Variants in PTPRZ1 observed in about 807,000 individuals in gnomAD.
PTPRZ1 encodes protein tyrosine phosphatase receptor type Z1.
Under a neutral mutation model 214.1 loss-of-function variants are expected in PTPRZ1, and 82 were observed. The observed-to-expected ratio is 0.38, with a 90% confidence interval of 0.32 to 0.46. PTPRZ1 has a LOEUF of 0.46. PTPRZ1 is among the 20% of genes least tolerant of loss of function. The pLI is 1.00. For missense variants in PTPRZ1, 2,603 were observed against 2,748.7 expected, an observed-to-expected ratio of 0.95 and a Z score of 1.19; for synonymous variants, 945 against 987.9, an observed-to-expected ratio of 0.96 and a Z score of 0.81.
chr7:121,914,395 G>A (rs1401366755), intron 1 of PTPRZ1, among the ~76,000 whole-genome samples: 2 of 152,098 alleles, frequency 1.3e-5, no homozygotes, highest in Non-Finnish European at 2.9e-5. Context: ...AAGGTCCCAA[G>A]TAAGCTTTAT....
At chr7:121,940,220 G>T (rs1475239712) in intron 2 of PTPRZ1, among the ~76,000 whole-genome samples, 1 of 152,136 alleles carries the variant, frequency 6.6e-6, no homozygotes, top group Non-Finnish European at 1.5e-5. Context: ...GCATTTAAGA[G>T]ATGTTAGGCA....
At position 121,873,406 on chromosome 7, in the gene PTPRZ1, A is replaced by G. The variant is rs1027966824; in HGVS notation, c.-94A>G. ...GATCTATACACTGGAGGATTAAAAC[A>G]AACAAACAAAAAAAACATTTCCTTC... On this transcript the variant is annotated 5_prime_UTR_variant, in exon 1 of 30. Transcript: ENST00000393386. The G allele has an allele frequency of 3.0e-5, 39 of 1,318,730 alleles. No homozygotes were observed. The highest frequency in any genetic ancestry group is 3.8e-5 in the Non-Finnish European group (36 of 951,802). The allele number at this position is 1,318,730 out of a possible 1,614,324, so 81.7% of individuals were successfully genotyped here.
Position 122,052,366 on chromosome 7 carries a change from AC to A in PTPRZ1, c.6252+429del, listed in dbSNP as rs1175435490. ...GCCTGCAAACTGGGCTCATTTTAGGACCTGGATTTCTAAAGATACAATGCTT... is the reference window on the plus strand; with the variant it reads ...GCCTGCAAACTGGGCTCATTTTAGGACTGGATTTCTAAAGATACAATGCTT... On this transcript the variant is annotated intron_variant, in intron 25 of 29. Transcript: ENST00000393386. 2.0e-5 allele frequency among the ~76,000 whole-genome samples: 3 copies of A among 152,146 alleles called. No individual in the cohort carries two copies. In the East Asian group the frequency reaches 5.8e-4, roughly 29 times the overall value.
intron 8 of PTPRZ1, among the ~76,000 whole-genome samples, chr7:121,991,762 T>C (rs998974070): frequency 6.6e-6 from 1 of 152,248 alleles, no homozygotes; most frequent in Non-Finnish European, 1.5e-5. Flanking sequence ...AGACTTCTTT[T>C]GGCTATTAAT....
intron 2 of PTPRZ1, among the ~76,000 whole-genome samples, chr7:121,962,308 C>T (rs1006783898): frequency 2.0e-5 from 3 of 151,716 alleles, no homozygotes; most frequent in South Asian, 2.1e-4. Context: ...GTTAGCTGGG[C>T]GTGGTGGCAC....
In PTPRZ1 at chr7:121,998,024, C is replaced by T. The variant is rs1798199105; in HGVS notation, c.1240+18C>T. On this transcript the variant is annotated intron_variant, in intron 10 of 29. Coordinates refer to ENST00000393386, the MANE Select transcript of PTPRZ1 (RefSeq NM_002851.3). ...TAATCCTGGTAAGTGCCACCAGATA[C>T]ATCTATATATTAACTCAATAAATGA... The T allele has an allele frequency of 7.5e-6, 12 of 1,606,878 alleles. No individual in the cohort carries two copies. The highest frequency in any genetic ancestry group is 9.4e-6 in the Non-Finnish European group (11 of 1,176,200).
At chr7:122,002,640 T>C (rs1221900804) in intron 10 of PTPRZ1, among the ~76,000 whole-genome samples, 1 of 152,214 alleles carries the variant, frequency 6.6e-6, no homozygotes, top group African/African-American at 2.4e-5. Context: ...TAGTTATACA[T>C]ACCCTTCCCC....
At chr7:121,907,280 A>G (rs1795144550) in intron 1 of PTPRZ1, among the ~76,000 whole-genome samples, 1 of 152,086 alleles carries the variant, frequency 6.6e-6, no homozygotes, top group South Asian at 2.1e-4. Context: ...AATCCATGTT[A>G]GTTTTCCTGA....
intron 2 of PTPRZ1, among the ~76,000 whole-genome samples, chr7:121,928,615 TAG>T (rs1166649701): frequency 6.6e-6 from 1 of 152,218 alleles, no homozygotes; most frequent in Non-Finnish European, 1.5e-5. Flanking sequence ...CAACAAATGT[TAG>T]CTGCTGGAGT....
At chr7:122,039,395 A>C (rs1799646029) in intron 19 of PTPRZ1, 59 bp from the exon 20 acceptor site, 1 of 1,569,572 alleles carries the variant, frequency 6.4e-7, no homozygotes, top group African/African-American at 1.4e-5. Flanking sequence ...GATTTCAGGG[A>C]ATGACTTTTA....
In PTPRZ1 at chr7:121,996,581, A is replaced by G. The variant is rs372859644; in HGVS notation, c.1113+15A>G. 5.0e-6 allele frequency: 8 copies of G among 1,587,396 alleles called. No individual in the cohort carries two copies. Among genetic ancestry groups the G allele is most frequent in the Non-Finnish European group, 6.9e-6 (8 of 1,164,532 alleles). ...ATCAAGACTTGGTAACTATATGATC[A>G]GTTGTTTTACATAGGGTAACATTAT... On this transcript the variant is annotated intron_variant, in intron 9 of 29. Coordinates refer to ENST00000393386, the MANE Select transcript of PTPRZ1 (RefSeq NM_002851.3).
At chr7:121,916,906 C>A (rs1485405671) in intron 1 of PTPRZ1, among the ~76,000 whole-genome samples, 1 of 152,128 alleles carries the variant, frequency 6.6e-6, no homozygotes, top group Non-Finnish European at 1.5e-5. Flanking sequence ...CCCCAAGTTC[C>A]ATGGAGAATG....
intron 7 of PTPRZ1, 67 bp from the exon 8 acceptor site, chr7:121,983,900 A>G (rs1797693364): frequency 4.4e-6 from 7 of 1,584,854 alleles, no homozygotes; most frequent in Non-Finnish European, 6.0e-6. Flanking sequence ...GCTATAAAAT[A>G]TCCATTTTAA....
At chr7:121,888,604 A>C (rs773169919) in intron 1 of PTPRZ1, among the ~76,000 whole-genome samples, 15 of 152,196 alleles carry the variant, frequency 9.9e-5, no homozygotes, top group Admixed American at 6.6e-4. Flanking sequence ...CACTGAAAGA[A>C]TAGCCATTAT....
At chr7:121,891,433 T>C (rs1563003578) in intron 1 of PTPRZ1, among the ~76,000 whole-genome samples, 1 of 140,138 alleles carries the variant, frequency 7.1e-6, no homozygotes, top group Non-Finnish European at 1.6e-5. Flanking sequence ...AGTAAATATT[T>C]GTTGAATAAA....
intron 8 of PTPRZ1, among the ~76,000 whole-genome samples, chr7:121,988,941 C>T (rs1446955308): frequency 2.6e-5 from 4 of 151,930 alleles, no homozygotes; most frequent in Non-Finnish European, 5.9e-5. Context: ...AAAGATCATT[C>T]CAGGAAAAGA....
chr7:121,930,691 T>C lies in PTPRZ1; in HGVS notation c.124+2470T>C, dbSNP rs564677183. Reference sequence around the variant, plus strand: ...AATTTTTCTATTATGTTTTTGTATGTACTACCAATTGGGTATATGTTTATT... The same window carrying C: ...AATTTTTCTATTATGTTTTTGTATGCACTACCAATTGGGTATATGTTTATT... On this transcript the variant is annotated intron_variant, in intron 2 of 29. Transcript: ENST00000393386. 9.0e-4 allele frequency among the ~76,000 whole-genome samples: 137 copies of C among 152,298 alleles called. 3 individuals are homozygous for C. The South Asian group carries it at 0.028, about 31-fold the overall frequency.
intron 2 of PTPRZ1, among the ~76,000 whole-genome samples, chr7:121,956,084 G>T (rs778131673): frequency 6.6e-6 from 1 of 151,926 alleles, no homozygotes; most frequent in Non-Finnish European, 1.5e-5. Context: ...CAGAACTTCC[G>T]GTTCTCTAGC....
chr7:122,016,852 A>C (rs184882524), intron 12 of PTPRZ1, among the ~76,000 whole-genome samples: 316 of 152,188 alleles, frequency 2.1e-3, no homozygotes, highest in Non-Finnish European at 3.4e-3. Flanking sequence ...CTTCGTACAT[A>C]TATTAATCTA....
Sources: gnomAD v4.1 joint callset for allele counts (sites outside exome capture counted in the v4.1 genomes callset) on GRCh38, gnomAD v4.1.1 for gene constraint, MANE v1.5 for transcripts, NCBI Gene and HGNC (gene_info 2026-07-23, HGNC 2026-07-21) for gene names.